Variants in SLC26A7 observed in about 807,000 individuals in gnomAD.
SLC26A7 encodes solute carrier family 26 member 7.
In SLC26A7, 59 loss-of-function variants were observed where a neutral mutation model predicts 82.5. The ratio of observed to expected loss-of-function variants is 0.72; its 90% CI spans 0.58 to 0.89. The LOEUF (loss-of-function observed/expected upper bound fraction) is 0.89, where lower values mean the gene tolerates loss of function less well. Among genes scored for constraint, SLC26A7 ranks in the 40% least tolerant of loss-of-function variants. SLC26A7 has a pLI of 0.00. For synonymous variants in SLC26A7, 271 were observed against 274.3 expected, an observed-to-expected ratio of 0.99 and a Z score of 0.12; for missense variants, 820 against 793.0, an observed-to-expected ratio of 1.03 and a Z score of -0.41.
At chr8:91,347,980 C>A (rs1813611434) in intron 9 of SLC26A7, among the ~76,000 whole-genome samples, 1 of 152,078 alleles carries the variant, frequency 6.6e-6, no homozygotes, top group Admixed American at 6.6e-5. Flanking sequence ...TGCTTCTCTT[C>A]ACTTCCAACA....
At chr8:91,362,879 G>A (rs1052088870) in intron 12 of SLC26A7, among the ~76,000 whole-genome samples, 1 of 151,876 alleles carries the variant, frequency 6.6e-6, no homozygotes, top group African/African-American at 2.4e-5. Context: ...CTATTTTCTA[G>A]ATAATTTATT....
chr8:91,374,854 T>C (rs930309396), intron 15 of SLC26A7, among the ~76,000 whole-genome samples: 1 of 152,074 alleles, frequency 6.6e-6, no homozygotes, highest in African/African-American at 2.4e-5. Flanking sequence ...TATTATCATC[T>C]GGCCACTGTC....
At chr8:91,319,737 C>G (rs1586405076) in intron 5 of SLC26A7, among the ~76,000 whole-genome samples, 1 of 152,216 alleles carries the variant, frequency 6.6e-6, no homozygotes, top group South Asian at 2.1e-4. Context: ...GTCTTGACCT[C>G]TCACCTGGAA....
intron 4 of SLC26A7, among the ~76,000 whole-genome samples, chr8:91,311,422 G>C (rs919166868): frequency 3.3e-5 from 5 of 151,614 alleles, no homozygotes; most frequent in Non-Finnish European, 7.4e-5. Flanking sequence ...TGATTAGTTA[G>C]ATATATATTT....
intron 6 of SLC26A7, among the ~76,000 whole-genome samples, chr8:91,336,957 T>C (rs1169375664): frequency 6.6e-6 from 1 of 152,196 alleles, no homozygotes; most frequent in African/African-American, 2.4e-5. Flanking sequence ...TTAATTGGCG[T>C]AGGAATTTTT....
chr8:91,357,591 C>T (rs571190182), intron 11 of SLC26A7, among the ~76,000 whole-genome samples: 139 of 152,180 alleles, frequency 9.1e-4, no homozygotes, highest in African/African-American at 3.2e-3. Context: ...TTCCTTACAC[C>T]GTATACAAAA....
intron 2 of SLC26A7, among the ~76,000 whole-genome samples, chr8:91,251,659 A>G (rs1206197237): frequency 6.6e-6 from 1 of 152,008 alleles, no homozygotes; most frequent in Non-Finnish European, 1.5e-5. Flanking sequence ...ACAGAATCCC[A>G]AGACACAGCA....
chr8:91,210,254 A>C (rs977978435), intron 1 of SLC26A7, among the ~76,000 whole-genome samples: 1 of 152,164 alleles, frequency 6.6e-6, no homozygotes, highest in African/African-American at 2.4e-5. Context: ...AAATCTATCA[A>C]ATAATAGAAT....
chr8:91,252,047 C>G (rs1810671869), intron 2 of SLC26A7, among the ~76,000 whole-genome samples: 1 of 152,108 alleles, frequency 6.6e-6, no homozygotes, highest in Admixed American at 6.6e-5. Flanking sequence ...CAATTATTAT[C>G]AGCTCAATTT....
intron 6 of SLC26A7, 67 bp downstream of exon 6, chr8:91,334,514 G>T (rs762517381): frequency 5.5e-5 from 78 of 1,425,980 alleles, no homozygotes; most frequent in Admixed American, 1.7e-4. Context: ...GAGATCTGCA[G>T]ATGCTTACTA....
chr8:91,291,040 A>G (rs1471384601), intron 3 of SLC26A7, among the ~76,000 whole-genome samples: 2 of 152,128 alleles, frequency 1.3e-5, no homozygotes, highest in East Asian at 3.8e-4. Flanking sequence ...TGTAGGTAAT[A>G]TAGTATATAT....
intron 3 of SLC26A7, among the ~76,000 whole-genome samples, chr8:91,292,444 A>G (rs1811899166): frequency 6.6e-6 from 1 of 152,190 alleles, no homozygotes; most frequent in East Asian, 1.9e-4. Context: ...CTGCAAATTA[A>G]TATACAGAAC....
intron 11 of SLC26A7, among the ~76,000 whole-genome samples, chr8:91,356,996 C>T (rs1185572378): frequency 1.3e-5 from 2 of 152,148 alleles, no homozygotes; most frequent in Non-Finnish European, 2.9e-5. Context: ...AGATCTCATG[C>T]TGTTGTCATC....
Position 91,289,200 on chromosome 8 carries a change from T to G in SLC26A7, c.258T>G (p.Pro86=), listed in dbSNP as rs2130765975. The G allele has an allele frequency of 6.2e-7, 1 of 1,614,094 alleles. No homozygotes were observed. Among genetic ancestry groups the G allele is most frequent in the African/African-American group, 1.3e-5 (1 of 75,062 alleles). Residue 86 remains proline, a synonymous_variant, in exon 3 of 19, where the codon CCT becomes CCG. Transcript: ENST00000276609. Reference sequence around the variant, plus strand: ...TTGGTTTATATGGGTCTCTGTTTCCTGCCATAATTTATGCCATATTTGGAA... The same window carrying G: ...TTGGTTTATATGGGTCTCTGTTTCCGGCCATAATTTATGCCATATTTGGAA... ...PVFGLYGSLF[P]AIIYAIFGMG...
chr8:91,214,156 A>T (rs1809993459), intron 1 of SLC26A7, among the ~76,000 whole-genome samples: 1 of 152,084 alleles, frequency 6.6e-6, no homozygotes, highest in African/African-American at 2.4e-5. Flanking sequence ...GTGGTGGTGG[A>T]AAAGCAAGGA....
In SLC26A7 at chr8:91,343,441, TGTAC is replaced by T. The variant is rs1563689793; in HGVS notation, c.1116_1119del (p.Tyr373AlafsTer11). 6.2e-7 allele frequency: 1 copy of T among 1,612,418 alleles called. No individual in the cohort carries two copies. The highest frequency in any genetic ancestry group is 8.5e-7 in the Non-Finnish European group (1 of 1,179,824). ...GCTGCCATGGGAAGGACGGCTGGCC[TGTAC>T]AGCACAGGAGCGAAGACACAGGTAA... On this transcript the variant is annotated frameshift_variant, in exon 9 of 19. Transcript: ENST00000276609. LOFTEE classifies it high-confidence loss of function.
At chr8:91,276,422 C>A (rs538956248) in intron 2 of SLC26A7, among the ~76,000 whole-genome samples, 1 of 152,156 alleles carries the variant, frequency 6.6e-6, no homozygotes, top group South Asian at 2.1e-4. Flanking sequence ...TTTAGTGTGG[C>A]GCTATGAGCC....
chr8:91,318,640 A>AT (rs1214336944), intron 5 of SLC26A7, among the ~76,000 whole-genome samples: 2 of 152,250 alleles, frequency 1.3e-5, no homozygotes, highest in African/African-American at 2.4e-5. Context: ...AAAAACCTGA[A>AT]TTTTTTGTGA....
At chr8:91,295,492 A>G in intron 3 of SLC26A7, 39 bp from the exon 4 acceptor site, 1 of 1,578,988 alleles carries the variant, frequency 6.3e-7, no homozygotes, top group Non-Finnish European at 8.6e-7. Flanking sequence ...CTTTAAATCA[A>G]ATTACTAATA....
Sources: allele counts gnomAD v4.1 joint callset (sites outside exome capture counted in the v4.1 genomes callset), GRCh38; gene constraint gnomAD v4.1.1; transcripts MANE v1.5; gene names NCBI Gene and HGNC (gene_info 2026-07-23, HGNC 2026-07-21).